The following LHFPL3 variants were observed in gnomAD, a reference collection of about 807,000 sequenced individuals.
LHFPL3 encodes LHFPL tetraspan subfamily member 3 protein.
LHFPL3 carries 5 observed loss-of-function variants against 19.3 expected under a neutral mutation model. The ratio of observed to expected loss-of-function variants is 0.26; its 90% CI spans 0.14 to 0.54. LHFPL3 has a LOEUF of 0.54. LHFPL3 is among the 20% of genes least tolerant of loss of function. The probability of loss-of-function intolerance (pLI) is 0.94; values close to 1 mark genes in which losing one functional copy is unlikely to be tolerated. For synonymous variants in LHFPL3, 133 were observed against 126.2 expected, an observed-to-expected ratio of 1.05 and a Z score of -0.36; for missense variants, 249 against 307.4, an observed-to-expected ratio of 0.81 and a Z score of 1.42.
chr7:104,541,994 G>T (rs1217859046), intron 1 of LHFPL3, among the ~76,000 whole-genome samples: 2 of 151,948 alleles, frequency 1.3e-5, no homozygotes, highest in Admixed American at 1.3e-4. Flanking sequence ...AGAGCATGCT[G>T]TGAGAGCCAG....
chr7:104,553,849 T>G (rs548447318), intron 1 of LHFPL3, among the ~76,000 whole-genome samples: 8 of 152,204 alleles, frequency 5.3e-5, no homozygotes, highest in Non-Finnish European at 1.2e-4. Flanking sequence ...ATCCTTCTTT[T>G]GCAATAACTA....
intron 1 of LHFPL3, among the ~76,000 whole-genome samples, chr7:104,363,869 A>T (rs920699714): frequency 6.6e-6 from 1 of 152,190 alleles, no homozygotes; most frequent in African/African-American, 2.4e-5. Context: ...CTCCCAGAAT[A>T]GGTTTGATTT....
chr7:104,401,951 G>C (rs112917405), intron 1 of LHFPL3, among the ~76,000 whole-genome samples: 2,536 of 152,220 alleles, frequency 0.017, 65 homozygotes, highest in African/African-American at 0.058. Flanking sequence ...GTAGCAAAGA[G>C]TGTCTAGCTT....
intron 1 of LHFPL3, among the ~76,000 whole-genome samples, chr7:104,642,832 C>G (rs1288132671): frequency 6.6e-6 from 1 of 152,208 alleles, no homozygotes; most frequent in African/African-American, 2.4e-5. Flanking sequence ...CCTTTACCAG[C>G]AGGCATTCCA....
chr7:104,481,737 A>G (rs569673114), intron 1 of LHFPL3, among the ~76,000 whole-genome samples: 5 of 152,168 alleles, frequency 3.3e-5, no homozygotes, highest in African/African-American at 1.2e-4. Flanking sequence ...TTTATTTTCA[A>G]TGCTCCTGAA....
At chr7:104,752,769 C>T (rs1295858313) in intron 2 of LHFPL3, 1 of 396,216 alleles carries the variant, frequency 2.5e-6, no homozygotes, top group Non-Finnish European at 4.5e-6. Flanking sequence ...TCCTCAATGA[C>T]CACGCTCGAG....
At chr7:104,374,187 T>A (rs1174863321) in intron 1 of LHFPL3, among the ~76,000 whole-genome samples, 1 of 96,294 alleles carries the variant, frequency 1.0e-5, no homozygotes, top group Middle Eastern at 4.9e-3. Context: ...GTAATTCTAT[T>A]ATCTATCTAT....
intron 1 of LHFPL3, among the ~76,000 whole-genome samples, chr7:104,545,076 AT>A (rs1794555609): frequency 6.6e-6 from 1 of 152,112 alleles, no homozygotes; most frequent in Non-Finnish European, 1.5e-5. Flanking sequence ...CTCTCAGATC[AT>A]TTTTGCCTTT....
intron 2 of LHFPL3, among the ~76,000 whole-genome samples, chr7:104,843,108 C>T (rs371216485): frequency 2.6e-5 from 4 of 152,214 alleles, no homozygotes; most frequent in African/African-American, 9.7e-5. Flanking sequence ...CTTCCTGCAG[C>T]GTGGGGCAAG....
At chr7:104,566,047 T>A (rs1273285878) in intron 1 of LHFPL3, among the ~76,000 whole-genome samples, 1 of 151,952 alleles carries the variant, frequency 6.6e-6, no homozygotes, top group Non-Finnish European at 1.5e-5. Context: ...GTTTTGTGAC[T>A]CGGAACTCAC....
At chr7:104,891,506 T>G (rs1197776589) in intron 2 of LHFPL3, among the ~76,000 whole-genome samples, 1 of 152,208 alleles carries the variant, frequency 6.6e-6, no homozygotes, top group Non-Finnish European at 1.5e-5. Flanking sequence ...CCTAAGCACC[T>G]TTTAAAGGTC....
chr7:104,565,916 G>A (rs894448764), intron 1 of LHFPL3, among the ~76,000 whole-genome samples: 7 of 152,070 alleles, frequency 4.6e-5, no homozygotes, highest in African/African-American at 1.7e-4. Flanking sequence ...GATTATATGT[G>A]ACAGAGCCAA....
intron 1 of LHFPL3, among the ~76,000 whole-genome samples, chr7:104,732,096 C>A (rs1793715874): frequency 6.6e-6 from 1 of 152,136 alleles, no homozygotes. Flanking sequence ...GGTGGATAAG[C>A]TTTTTGATGT....
chr7:104,844,237 T>G (rs1456488720), intron 2 of LHFPL3, among the ~76,000 whole-genome samples: 1 of 152,200 alleles, frequency 6.6e-6, no homozygotes, highest in Non-Finnish European at 1.5e-5. Flanking sequence ...TCCCCATCCA[T>G]GCACTGGCAC....
chr7:104,899,778 T>C (rs1373987833), intron 2 of LHFPL3, among the ~76,000 whole-genome samples: 2 of 152,094 alleles, frequency 1.3e-5, no homozygotes, highest in African/African-American at 4.8e-5. Flanking sequence ...GTCACCCAGG[T>C]TGGAGTGCAG....
chr7:104,341,088 A>T (rs1221569850), intron 1 of LHFPL3, among the ~76,000 whole-genome samples: 1 of 152,234 alleles, frequency 6.6e-6, no homozygotes, highest in African/African-American at 2.4e-5. Context: ...CTCTAATAAC[A>T]TCAGGAACAA....
intron 1 of LHFPL3, among the ~76,000 whole-genome samples, chr7:104,423,488 C>A (rs190477186): frequency 6.6e-6 from 1 of 152,234 alleles, no homozygotes; most frequent in East Asian, 1.9e-4. Flanking sequence ...GTGGTGCATG[C>A]CTACCGTCCC....
chr7:104,355,070 C>T (rs1033541843), intron 1 of LHFPL3, among the ~76,000 whole-genome samples: 22 of 152,128 alleles, frequency 1.4e-4, no homozygotes, highest in Admixed American at 1.4e-3. Flanking sequence ...AAATATTTTA[C>T]ACTGCTTATA....
At chr7:104,878,760 C>T (rs1472407492) in intron 2 of LHFPL3, among the ~76,000 whole-genome samples, 1 of 152,132 alleles carries the variant, frequency 6.6e-6, no homozygotes, top group African/African-American at 2.4e-5. Flanking sequence ...AGGACCCTTG[C>T]ACCAAACAGC....
Sources: gnomAD v4.1 joint callset for allele counts (sites outside exome capture counted in the v4.1 genomes callset) on GRCh38, gnomAD v4.1.1 for gene constraint, MANE v1.5 for transcripts, NCBI Gene and HGNC (gene_info 2026-07-23, HGNC 2026-07-21) for gene names.